TMEFF2: variants seen among roughly 807,000 people sequenced by gnomAD.
TMEFF2 encodes tomoregulin-2.
In TMEFF2, 28 loss-of-function variants were observed where a neutral mutation model predicts 53.8. The observed-to-expected ratio is 0.52, with a 90% CI of 0.39 to 0.71. TMEFF2 has a LOEUF of 0.71. TMEFF2 is among the 30% of genes least tolerant of loss of function. The pLI, the probability that TMEFF2 is intolerant of heterozygous loss-of-function variation, is 0.00. For missense variants in TMEFF2, 353 were observed against 455.2 expected (o/e 0.78, Z 2.04); for synonymous variants, 162 against 166.3 (o/e 0.97, Z 0.20).
chr2:192,013,729 G>T (rs1311499689), intron 5 of TMEFF2, among the ~76,000 whole-genome samples: 1 of 152,138 alleles, frequency 6.6e-6, no homozygotes, highest in Non-Finnish European at 1.5e-5. Context: ...GGATTTACAG[G>T]CATGAACCAC....
At chr2:192,190,175 C>T (rs936326810) in intron 2 of TMEFF2, among the ~76,000 whole-genome samples, 1 of 151,958 alleles carries the variant, frequency 6.6e-6, no homozygotes, top group Non-Finnish European at 1.5e-5. Context: ...ATTTTCATTT[C>T]GTAGCATTCA....
intron 4 of TMEFF2, among the ~76,000 whole-genome samples, chr2:192,155,255 T>TGGGAGAAATAATTTAGTTTC (rs1690481169): frequency 1.3e-5 from 2 of 151,962 alleles, no homozygotes; most frequent in Admixed American, 1.3e-4. Flanking sequence ...AATTTAGTTT[T>TGGGAGAAATAATTTAGTTTC]GGGAGAAATA....
chr2:192,137,239 G>A (rs1690032355), intron 4 of TMEFF2, among the ~76,000 whole-genome samples: 1 of 152,160 alleles, frequency 6.6e-6, no homozygotes. Context: ...GGATTCGTGA[G>A]GGTGGGGTAC....
chr2:192,153,068 ATATT>A (rs1333249122), intron 4 of TMEFF2, among the ~76,000 whole-genome samples: 1 of 151,444 alleles, frequency 6.6e-6, no homozygotes, highest in Non-Finnish European at 1.5e-5. Flanking sequence ...TACAGAGCCT[ATATT>A]TAAATATTTT....
At chr2:192,156,711 T>G (rs933609335) in intron 4 of TMEFF2, among the ~76,000 whole-genome samples, 1 of 152,004 alleles carries the variant, frequency 6.6e-6, no homozygotes, top group Non-Finnish European at 1.5e-5. Flanking sequence ...TCAAATCCGA[T>G]TCCGAATTTG....
chr2:191,971,978 G>A (rs1692655855), intron 7 of TMEFF2, among the ~76,000 whole-genome samples: 1 of 152,114 alleles, frequency 6.6e-6, no homozygotes, highest in Admixed American at 6.6e-5. Flanking sequence ...CTGACTGAGT[G>A]AACACAGAGA....
chr2:192,009,816 T>C (rs1270781924), intron 5 of TMEFF2, among the ~76,000 whole-genome samples: 1 of 152,162 alleles, frequency 6.6e-6, no homozygotes, highest in Non-Finnish European at 1.5e-5. Flanking sequence ...ATGCTAAATG[T>C]TTGCATCTGT....
At chr2:192,011,555 T>C (rs1686626014) in intron 5 of TMEFF2, among the ~76,000 whole-genome samples, 1 of 152,244 alleles carries the variant, frequency 6.6e-6, no homozygotes, top group Non-Finnish European at 1.5e-5. Flanking sequence ...CATAAACAAA[T>C]GTAGACTTTT....
rs10180229 is a variant in TMEFF2 at position 192,091,944 on chromosome 2, T to A, written c.440-34169A>T. ...CCTCTTCAGAAGGATTTTTCTTTTA[T>A]GTTAGTGTGACTACTTCCTCTTAAA... On this transcript the variant is annotated intron_variant, in intron 4 of 9. Transcript: ENST00000272771. Among the ~76,000 whole-genome samples the A allele has an allele frequency of 4.8e-3, 732 of 152,298 alleles. 10 individuals are homozygous for A. The highest frequency in any genetic ancestry group is 0.017 in the African/African-American group (704 of 41,570).
intron 5 of TMEFF2, among the ~76,000 whole-genome samples, chr2:192,047,724 G>A (rs1263272457): frequency 1.3e-5 from 2 of 152,128 alleles, no homozygotes; most frequent in African/African-American, 2.4e-5. Flanking sequence ...CAGCAGTATT[G>A]ATGTTTTGAT....
chr2:191,998,725 T>G (rs1055544837), intron 6 of TMEFF2, among the ~76,000 whole-genome samples: 1 of 152,054 alleles, frequency 6.6e-6, no homozygotes, highest in African/African-American at 2.4e-5. Context: ...GTTTCAAGGA[T>G]GTCTAATAAA....
intron 4 of TMEFF2, among the ~76,000 whole-genome samples, chr2:192,069,498 CT>C (rs1453971926): frequency 2.6e-5 from 4 of 151,524 alleles, no homozygotes; most frequent in African/African-American, 9.7e-5. Context: ...ACATGCCCAT[CT>C]TACACAAAAT....
chr2:191,994,022 T>C (rs559923191), intron 7 of TMEFF2, among the ~76,000 whole-genome samples: 37 of 152,166 alleles, frequency 2.4e-4, no homozygotes, highest in Non-Finnish European at 4.6e-4. Context: ...TGTTGACTTG[T>C]TCACCTTTGT....
chr2:192,096,904 G>T (rs780308562), intron 4 of TMEFF2, among the ~76,000 whole-genome samples: 2 of 151,776 alleles, frequency 1.3e-5, no homozygotes, highest in Non-Finnish European at 2.9e-5. Flanking sequence ...TCAAACTCTG[G>T]ACCTCAAGTG....
chr2:192,148,137 G>A (rs1294551462), intron 4 of TMEFF2, among the ~76,000 whole-genome samples: 1 of 151,960 alleles, frequency 6.6e-6, no homozygotes. Flanking sequence ...TATATTTCAA[G>A]GACAAGCTCC....
chr2:192,076,824 G>A (rs1452089755), intron 4 of TMEFF2, among the ~76,000 whole-genome samples: 4 of 152,124 alleles, frequency 2.6e-5, no homozygotes, highest in Non-Finnish European at 5.9e-5. Flanking sequence ...AGTGATCAGG[G>A]AGCAGCCAGT....
At chr2:192,041,173 A>C (rs1457654216) in intron 5 of TMEFF2, among the ~76,000 whole-genome samples, 2 of 152,190 alleles carry the variant, frequency 1.3e-5, no homozygotes, top group African/African-American at 4.8e-5. Flanking sequence ...AGTGAAAGGC[A>C]ATTCCACAAA....
intron 4 of TMEFF2, among the ~76,000 whole-genome samples, chr2:192,094,782 C>T (rs983467435): frequency 6.6e-6 from 1 of 152,100 alleles, no homozygotes; most frequent in Middle Eastern, 3.2e-3. Flanking sequence ...GCTTCCTCTC[C>T]TCTAGTAACT....
intron 4 of TMEFF2, among the ~76,000 whole-genome samples, chr2:192,129,369 GAAA>G (rs11313016): frequency 1.4e-5 from 2 of 143,786 alleles, no homozygotes; most frequent in African/African-American, 5.2e-5. Flanking sequence ...ATGTTTAATA[GAAA>G]AAAAAAAAAA....
Sources: gnomAD v4.1 joint callset for allele counts (sites outside exome capture counted in the v4.1 genomes callset) on GRCh38, gnomAD v4.1.1 for gene constraint, MANE v1.5 for transcripts, NCBI Gene and HGNC (gene_info 2026-07-23, HGNC 2026-07-21) for gene names.